The following MIR2052HG variants were observed in gnomAD, a reference collection of about 807,000 sequenced individuals.
The protein encoded by MIR2052HG is MIR2052 host gene.
intron 2 of MIR2052HG, among the ~76,000 whole-genome samples, chr8:74,699,480 G>A (rs868107728): frequency 6.6e-6 from 1 of 151,252 alleles, no homozygotes; most frequent in South Asian, 2.1e-4. Context: ...CAAAATAATG[G>A]CATTCGCAGC....
intron 4 of MIR2052HG, among the ~76,000 whole-genome samples, chr8:74,719,176 A>G (rs187389558): frequency 3.2e-4 from 49 of 151,562 alleles, no homozygotes; most frequent in African/African-American, 1.2e-3. Flanking sequence ...TGGAATTTTG[A>G]GTGCTGCTCC....
chr8:74,627,626 GATA>G (rs1358008313), intron 2 of MIR2052HG, among the ~76,000 whole-genome samples: 1 of 152,150 alleles, frequency 6.6e-6, no homozygotes, highest in Non-Finnish European at 1.5e-5. Flanking sequence ...ATGTGAGATT[GATA>G]ATGACAGGTA....
intron 4 of MIR2052HG, among the ~76,000 whole-genome samples, chr8:74,744,727 G>T (rs1480630366): frequency 1.3e-5 from 2 of 152,056 alleles, no homozygotes; most frequent in Non-Finnish European, 2.9e-5. Context: ...GTCTATCATT[G>T]TTGGACATTT....
At chr8:74,677,759 G>A (rs1809070548) in intron 2 of MIR2052HG, among the ~76,000 whole-genome samples, 1 of 152,064 alleles carries the variant, frequency 6.6e-6, no homozygotes, top group South Asian at 2.1e-4. Flanking sequence ...AATGGAATGA[G>A]TCAGATATCT....
At chr8:74,600,444 G>C (rs1168719857) in intron 1 of MIR2052HG, among the ~76,000 whole-genome samples, 3 of 151,304 alleles carry the variant, frequency 2.0e-5, no homozygotes, top group African/African-American at 7.3e-5. Context: ...TTAGCCGGGC[G>C]TGGTTGCACA....
chr8:74,695,001 T>A (rs1170384466), intron 2 of MIR2052HG, among the ~76,000 whole-genome samples: 1 of 152,080 alleles, frequency 6.6e-6, no homozygotes, highest in East Asian at 1.9e-4. Flanking sequence ...TTGCAAAAAG[T>A]TAATAACCTA....
chr8:74,601,829 C>T (rs1434958658), intron 1 of MIR2052HG, among the ~76,000 whole-genome samples: 1 of 152,196 alleles, frequency 6.6e-6, no homozygotes, highest in Non-Finnish European at 1.5e-5. Flanking sequence ...TCTTACATTA[C>T]TCAGGAGCAT....
At chr8:74,623,155 A>G (rs1251290903) in intron 2 of MIR2052HG, among the ~76,000 whole-genome samples, 1 of 152,236 alleles carries the variant, frequency 6.6e-6, no homozygotes, top group Non-Finnish European at 1.5e-5. Flanking sequence ...TTCTCATCAC[A>G]AAAAAGATAA....
chr8:74,695,590 T>C (rs1809287664), intron 2 of MIR2052HG, among the ~76,000 whole-genome samples: 1 of 151,818 alleles, frequency 6.6e-6, no homozygotes, highest in South Asian at 2.1e-4. Context: ...AGGACTTACA[T>C]AAATTTAAGG....
At chr8:74,664,240 A>T (rs889336702) in intron 2 of MIR2052HG, among the ~76,000 whole-genome samples, 5 of 152,062 alleles carry the variant, frequency 3.3e-5, no homozygotes, top group African/African-American at 9.7e-5. Context: ...TGTCCATGTA[A>T]CCAAAAACTG....
At position 74,642,885 on chromosome 8, in the gene MIR2052HG, A is replaced by C. The variant is rs571184486; in HGVS notation, n.216+29945A>C. ...GGGTAGCATTTGTTCCTCAAATTCTAATTGTGCTTTTCATTTCCAGCTACC... is the reference window on the plus strand; with the variant it reads ...GGGTAGCATTTGTTCCTCAAATTCTCATTGTGCTTTTCATTTCCAGCTACC... On this transcript the variant is annotated intron_variant and non_coding_transcript_variant, in intron 2 of 6. Transcript: ENST00000523442. 3.9e-5 allele frequency among the ~76,000 whole-genome samples: 6 copies of C among 152,218 alleles called. No individual in the cohort carries two copies. In the East Asian group the frequency reaches 1.2e-3, roughly 29 times the overall value.
intron 4 of MIR2052HG, among the ~76,000 whole-genome samples, chr8:74,730,632 G>A (rs1392003781): frequency 6.6e-6 from 1 of 152,174 alleles, no homozygotes; most frequent in Non-Finnish European, 1.5e-5. Flanking sequence ...GTGGGTAGGA[G>A]TAGATATTGG....
chr8:74,639,970 A>G (rs1395323512), intron 2 of MIR2052HG, among the ~76,000 whole-genome samples: 1 of 152,198 alleles, frequency 6.6e-6, no homozygotes, highest in African/African-American at 2.4e-5. Context: ...CCATGGTGGT[A>G]CTTACGTGGG....
At position 74,604,067 on chromosome 8, in the gene MIR2052HG, T is replaced by G. The variant is rs1808070113; in HGVS notation, n.128+4159T>G. The G allele has an allele frequency of 3.2e-6, 3 of 947,266 alleles. No homozygotes were observed. In the Admixed American group the frequency reaches 5.1e-5, roughly 16 times the overall value. The allele number at this position is 947,266 out of a possible 1,614,324, so 58.7% of individuals were successfully genotyped here. On this transcript the variant is annotated intron_variant and non_coding_transcript_variant, in intron 1 of 6. Coordinates refer to ENST00000523442, the Ensembl canonical transcript of MIR2052HG. Reference sequence around the variant, plus strand: ...ACGGCATTAGCAGGTCCAGCAAAAGTGATAATTCTCTCAGGACAATTCCCT... The same window carrying G: ...ACGGCATTAGCAGGTCCAGCAAAAGGGATAATTCTCTCAGGACAATTCCCT...
rs575471052 is a variant in MIR2052HG at position 74,599,974 on chromosome 8, G to T, written n.128+66G>T. ...GTCGGAAAAGCGCAGTATTCGGGTG[G>T]GAGTGACCCGATTTTCCAGGTGCCG... On this transcript the variant is annotated intron_variant and non_coding_transcript_variant, in intron 1 of 6. Coordinates refer to ENST00000523442, the Ensembl canonical transcript of MIR2052HG. 4.1e-4 allele frequency: 64 copies of T among 156,030 alleles called. 1 individual carries two copies. The East Asian group carries it at 0.011, about 27-fold the overall frequency. The allele number at this position is 156,030 out of a possible 1,614,324, so 9.7% of individuals were successfully genotyped here. A position where few individuals can be genotyped will look rare whatever the true frequency, so the allele number is the denominator to read the frequency against.
At chr8:74,612,938 A>G (rs112838021) in exon 2 of MIR2052HG, 7,062 of 456,190 alleles carry the variant, frequency 0.015, 87 homozygotes, top group Non-Finnish European at 0.021. Flanking sequence ...ACTGGAGTGG[A>G]AGGTGGGAAA....
intron 4 of MIR2052HG, among the ~76,000 whole-genome samples, chr8:74,718,194 T>A (rs935979761): frequency 6.6e-6 from 1 of 152,122 alleles, no homozygotes; most frequent in Admixed American, 6.5e-5. Context: ...ATTTTTATAA[T>A]GTGTCAGCAT....
chr8:74,731,126 G>A (rs1809688338), intron 4 of MIR2052HG, among the ~76,000 whole-genome samples: 1 of 152,160 alleles, frequency 6.6e-6, no homozygotes, highest in Non-Finnish European at 1.5e-5. Context: ...CTCCAGAACT[G>A]GAATGAGAGA....
chr8:74,615,082 T>G (rs1808258457), intron 2 of MIR2052HG: 1 of 152,220 alleles, frequency 6.6e-6, no homozygotes, highest in African/African-American at 2.4e-5. Context: ...TTAGAACAGC[T>G]GCTCTCTAGC....
Sources: gnomAD v4.1 joint callset for allele counts (sites outside exome capture counted in the v4.1 genomes callset) on GRCh38, gnomAD v4.1.1 for gene constraint, MANE v1.5 for transcripts, NCBI Gene and HGNC (gene_info 2026-07-23, HGNC 2026-07-21) for gene names.